Variants in PNPLA3 observed in about 807,000 individuals in gnomAD.
PNPLA3 encodes the protein 1-acylglycerol-3-phosphate O-acyltransferase PNPLA3.
Under a neutral mutation model 43.1 loss-of-function variants are expected in PNPLA3, and 42 were observed. That is an observed-to-expected ratio of 0.97 (90% CI 0.76 to 1.26). The LOEUF (loss-of-function observed/expected upper bound fraction) is 1.26, where lower values mean the gene tolerates loss of function less well. Among genes scored for constraint, PNPLA3 ranks in the 50% most tolerant of loss-of-function variants. PNPLA3 has a pLI of 0.00. For synonymous variants in PNPLA3, 272 were observed against 253.6 expected (o/e 1.07, Z -0.69); for missense variants, 647 against 621.4 (o/e 1.04, Z -0.44).
At chr22:43,924,357 A>G (rs2049907558) in intron 1 of PNPLA3, 1 of 467,104 alleles carries the variant, frequency 2.1e-6, no homozygotes, top group Non-Finnish European at 3.7e-6. Context: ...CCCTACCCCC[A>G]TCAGGCGCCC....
Position 43,924,142 on chromosome 22 carries a change from G to C in PNPLA3, c.187+44G>C, listed in dbSNP as rs780798491. The C allele has an allele frequency of 2.9e-5, 41 of 1,435,110 alleles. 1 individual carries two copies. In the Admixed American group the frequency reaches 7.4e-4, roughly 26 times the overall value. 88.9% of individuals were successfully genotyped at this position (1,435,110 alleles called of 1,614,324 possible). The stretch of plus-strand genomic sequence containing the variant: ...CCCGGGCTCCACGTGCGGAGTGGGT[G>C]CCCCCTAGGCCGGGGAGCGGGGGAT... On this transcript the variant is annotated intron_variant, in intron 1 of 8. Coordinates refer to ENST00000216180, the MANE Select transcript of PNPLA3 (RefSeq NM_025225.3).
At chr22:43,935,677 G>T (rs1302945219) in intron 5 of PNPLA3, among the ~76,000 whole-genome samples, 1 of 151,892 alleles carries the variant, frequency 6.6e-6, no homozygotes, top group Non-Finnish European at 1.5e-5. Context: ...TGGGGATGGG[G>T]ACACTAAGAG....
rs528108298 is a variant in PNPLA3, at chr22:43,944,190, C to G, written c.1113-501C>G. Among the ~76,000 whole-genome samples the G allele has an allele frequency of 7.9e-5, 12 of 152,302 alleles. No homozygotes were observed. The South Asian group carries it at 2.3e-3, about 29-fold the overall frequency. On this transcript the variant is annotated intron_variant, in intron 7 of 8. Coordinates refer to ENST00000216180, the MANE Select transcript of PNPLA3 (RefSeq NM_025225.3). ...ACTCCCCAGGATCAGCCTCCTCCTCCCCACCCCACCACTGCCGGGGGGATG... is the reference window on the plus strand; with the variant it reads ...ACTCCCCAGGATCAGCCTCCTCCTCGCCACCCCACCACTGCCGGGGGGATG...
chr22:43,939,482 G>GTGCTCCCCGCTTCAGCTTCACACTGCCCT (rs1307645851), intron 6 of PNPLA3: 1 of 908,418 alleles, frequency 1.1e-6, no homozygotes, highest in Non-Finnish European at 1.3e-6. Flanking sequence ...GTTCTTGGCT[G>GTGCTCCCCGCTTCAGCTTCACACTGCCCT]TGCTCCCCGC....
At chr22:43,931,020 G>C (rs1270264706) in intron 3 of PNPLA3, among the ~76,000 whole-genome samples, 4 of 152,128 alleles carry the variant, frequency 2.6e-5, no homozygotes, top group South Asian at 2.1e-4. Flanking sequence ...CCAGCTACTC[G>C]GGAGGCTGAG....
intron 1 of PNPLA3, among the ~76,000 whole-genome samples, chr22:43,924,815 T>G (rs907895690): frequency 2.6e-5 from 4 of 151,916 alleles, no homozygotes; most frequent in African/African-American, 9.7e-5. Context: ...GCCCGGCTAA[T>G]TTTTTGTATT....
At chr22:43,924,153 C>T (rs2049905751) in intron 1 of PNPLA3, 55 bp downstream of exon 1, 4 of 1,404,306 alleles carry the variant, frequency 2.8e-6, no homozygotes, top group African/African-American at 1.5e-5. Flanking sequence ...CCCCCTAGGC[C>T]GGGGAGCGGG....
At chr22:43,930,891 C>T (rs1227158742) in intron 3 of PNPLA3, among the ~76,000 whole-genome samples, 2 of 152,066 alleles carry the variant, frequency 1.3e-5, no homozygotes, top group East Asian at 1.9e-4. Flanking sequence ...AGTACCAGGC[C>T]GAGGTGGGTG....
intron 1 of PNPLA3, 135 bp downstream of exon 1, chr22:43,924,233 G>A (rs1325229241): frequency 9.4e-7 from 1 of 1,065,910 alleles, no homozygotes; most frequent in Non-Finnish European, 1.3e-6. Flanking sequence ...TGCATCCCGA[G>A]GGCCCCCTCC....
intron 6 of PNPLA3, among the ~76,000 whole-genome samples, 179 bp downstream of exon 6, chr22:43,937,451 A>AC (rs1375998938): frequency 4.6e-5 from 7 of 151,494 alleles, no homozygotes; most frequent in South Asian, 2.1e-4. Context: ...ACAGCCCCCA[A>AC]CCCCCCCAAT....
chr22:43,946,154 G>A lies in PNPLA3; in HGVS notation c.1218G>A (p.Arg406=), dbSNP rs111933596. Residue 406 remains arginine, a splice_region_variant and synonymous_variant, in exon 9 of 9, where the codon AGG becomes AGA. Transcript: ENST00000216180. The part of the protein sequence containing the change: ...RVLMCLLPAS[R]SQMPVSSQQA... ...AGCCAACTTCCTCCATGTGTTTCAG[G>A]TCCCAAATGCCAGTGAGCAGCCAAC... 5.6e-6 allele frequency: 9 copies of A among 1,612,260 alleles called. No individual in the cohort carries two copies. Among genetic ancestry groups the A allele is most frequent in the South Asian group, 3.3e-5 (3 of 91,050 alleles).
chr22:43,940,999 C>T (rs2050027090), intron 7 of PNPLA3, among the ~76,000 whole-genome samples: 1 of 151,632 alleles, frequency 6.6e-6, no homozygotes, highest in Non-Finnish European at 1.5e-5. Flanking sequence ...ATTAGCTGGG[C>T]ATGGTGGTGC....
intron 6 of PNPLA3, among the ~76,000 whole-genome samples, chr22:43,938,475 G>A (rs1033146939): frequency 6.6e-6 from 1 of 152,188 alleles, no homozygotes; most frequent in East Asian, 1.9e-4. Flanking sequence ...GAGGCCTCAG[G>A]AAACTTACAA....
chr22:43,924,266 G>T, intron 1 of PNPLA3, 168 bp downstream of exon 1: 2 of 848,514 alleles, frequency 2.4e-6, no homozygotes, highest in Non-Finnish European at 3.3e-6. Flanking sequence ...TCCTGCGGGG[G>T]CGCTGTTCCT....
intron 3 of PNPLA3, among the ~76,000 whole-genome samples, chr22:43,929,728 C>T (rs1020153201): frequency 6.6e-6 from 1 of 151,112 alleles, no homozygotes; most frequent in African/African-American, 2.4e-5. Flanking sequence ...TCCCGAGTAG[C>T]TGGGATTACA....
intron 5 of PNPLA3, among the ~76,000 whole-genome samples, chr22:43,935,194 G>A (rs2049987227): frequency 1.3e-5 from 2 of 152,128 alleles, no homozygotes; most frequent in Admixed American, 1.3e-4. Flanking sequence ...AAATATTAGA[G>A]TGGAAGGAAA....
In PNPLA3 at chr22:43,937,095, G is replaced by A. The variant is rs1196129570; in HGVS notation, c.802G>A (p.Gly268Arg). Residue 268 changes from glycine to arginine, a missense_variant, in exon 6 of 9, where the codon GGG (glycine) becomes AGG (arginine). By Grantham distance (125) the Gly-to-Arg change is moderately radical (BLOSUM62 -2). Coordinates refer to ENST00000216180, the MANE Select transcript of PNPLA3 (RefSeq NM_025225.3). ...PQPGLKSSSE[G>R]MDPEVAMPSW... ...GCCAGGCCTGAAGTCATCCTCAGAA[G>A]GGATGGATCCTGAGGTCGCCATGCC... The A allele has an allele frequency of 6.2e-7, 1 of 1,613,946 alleles. No homozygotes were observed. Among genetic ancestry groups the A allele is most frequent in the African/African-American group, 1.3e-5 (1 of 74,940 alleles).
rs2050053134 is a variant in PNPLA3 at position 43,944,853 on chromosome 22, G to A, written c.1217+58G>A. On this transcript the variant is annotated intron_variant, in intron 8 of 8. Coordinates refer to ENST00000216180, the MANE Select transcript of PNPLA3 (RefSeq NM_025225.3). ...ACGGGCACCTCTCTCATCTGATGAG[G>A]CCTCACACGACATTCTAGAAACAGC... 4.3e-6 allele frequency: 6 copies of A among 1,387,856 alleles called. No homozygotes were observed. In the Admixed American group the frequency reaches 8.4e-5, roughly 19 times the overall value. The allele number at this position is 1,387,856 out of a possible 1,614,324, so 86.0% of individuals were successfully genotyped here.
chr22:43,942,701 C>CTTTTTTTTTTTTTTTT (rs398037291), intron 7 of PNPLA3, among the ~76,000 whole-genome samples: 20 of 113,638 alleles, frequency 1.8e-4, no homozygotes, highest in Admixed American at 3.3e-4. Context: ...TTTCTTTTTT[C>CTTTTTTTTTTTTTTTT]TTTTTTTTTT....
Sources: allele counts gnomAD v4.1 joint callset (sites outside exome capture counted in the v4.1 genomes callset), GRCh38; gene constraint gnomAD v4.1.1; transcripts MANE v1.5; gene names NCBI Gene and HGNC (gene_info 2026-07-23, HGNC 2026-07-21).